PTPRG: variants seen among roughly 807,000 people sequenced by gnomAD.
PTPRG encodes receptor-type tyrosine-protein phosphatase gamma.
Under a neutral mutation model 165.3 loss-of-function variants are expected in PTPRG, and 102 were observed. That is an observed-to-expected ratio of 0.62 (90% CI 0.53 to 0.73). The LOEUF is 0.73. Ranked by LOEUF, PTPRG falls within the 30% of genes least tolerant of loss-of-function variation. The pLI, the probability that PTPRG is intolerant of heterozygous loss-of-function variation, is 0.00. For missense variants in PTPRG, 1,866 were observed against 1,861.4 expected (o/e 1.00, Z -0.05); for synonymous variants, 675 against 669.5 (o/e 1.01, Z -0.13).
intron 2 of PTPRG, among the ~76,000 whole-genome samples, chr3:61,944,962 G>C (rs546537182): frequency 2.0e-5 from 3 of 152,174 alleles, no homozygotes; most frequent in Non-Finnish European, 4.4e-5. Context: ...ACAGATTGCA[G>C]TGGCTCTGCT....
At chr3:61,674,214 A>AG (rs1703138293) in intron 1 of PTPRG, among the ~76,000 whole-genome samples, 1 of 151,984 alleles carries the variant, frequency 6.6e-6, no homozygotes, top group South Asian at 2.1e-4. Flanking sequence ...GCTTTGCATG[A>AG]GAAAAGCCTA....
chr3:62,163,920 A>C (rs1177375706), intron 7 of PTPRG, among the ~76,000 whole-genome samples: 2 of 152,258 alleles, frequency 1.3e-5, no homozygotes, highest in Non-Finnish European at 2.9e-5. Flanking sequence ...AGCAGGGGTA[A>C]GGGTTTTGAA....
chr3:61,948,579 A>G (rs1438982139), intron 2 of PTPRG, among the ~76,000 whole-genome samples: 1 of 152,180 alleles, frequency 6.6e-6, no homozygotes, highest in African/African-American at 2.4e-5. Flanking sequence ...TATAGCTACA[A>G]TAAAAGGCAG....
intron 1 of PTPRG, among the ~76,000 whole-genome samples, chr3:61,731,851 G>C (rs1037408364): frequency 6.6e-6 from 1 of 151,814 alleles, no homozygotes; most frequent in African/African-American, 2.4e-5. Context: ...ACCCAGGCTA[G>C]AGTGCAGTGG....
intron 5 of PTPRG, among the ~76,000 whole-genome samples, chr3:62,108,552 A>G (rs1056382374): frequency 1.3e-5 from 2 of 152,220 alleles, no homozygotes; most frequent in African/African-American, 4.8e-5. Context: ...TCCTTTGAGT[A>G]TATGCCCAGT....
At chr3:61,565,135 G>C (rs73093089) in intron 1 of PTPRG, among the ~76,000 whole-genome samples, 2,471 of 152,258 alleles carry the variant, frequency 0.016, 34 homozygotes, top group Non-Finnish European at 0.025. Flanking sequence ...TCAGGATATG[G>C]GTTAGCTGTA....
At chr3:62,017,726 G>GA (rs992854944) in intron 4 of PTPRG, among the ~76,000 whole-genome samples, 1 of 152,050 alleles carries the variant, frequency 6.6e-6, no homozygotes, top group African/African-American at 2.4e-5. Context: ...GCCCGGCTCA[G>GA]AAAATGATCT....
At chr3:62,074,352 C>CTTTTTTTTTTTTTTTTTTTTTTTTTTTT (rs200189646) in intron 4 of PTPRG, among the ~76,000 whole-genome samples, 2 of 109,114 alleles carry the variant, frequency 1.8e-5, no homozygotes, top group Non-Finnish European at 3.6e-5. Flanking sequence ...TCTTTTCTTT[C>CTTTTTTTTTTTTTTTTTTTTTTTTTTTT]TTTTTTTTTT....
At chr3:61,782,365 A>G (rs2034571071) in intron 2 of PTPRG, among the ~76,000 whole-genome samples, 2 of 152,240 alleles carry the variant, frequency 1.3e-5, no homozygotes, top group South Asian at 4.1e-4. Context: ...TAATTTAATA[A>G]TAGATGAAGA....
chr3:62,215,084 G>A (rs527597877), intron 12 of PTPRG, among the ~76,000 whole-genome samples: 75 of 152,282 alleles, frequency 4.9e-4, no homozygotes, highest in Admixed American at 1.0e-3. Context: ...GGCTGGAACC[G>A]TGACAGGGAA....
intron 1 of PTPRG, among the ~76,000 whole-genome samples, chr3:61,645,520 A>G (rs936026773): frequency 1.3e-5 from 2 of 152,240 alleles, no homozygotes; most frequent in African/African-American, 4.8e-5. Context: ...CAGACAGAAG[A>G]AAAGACATTT....
intron 1 of PTPRG, among the ~76,000 whole-genome samples, chr3:61,691,388 CAGAG>C (rs2030201991): frequency 6.6e-6 from 1 of 152,110 alleles, no homozygotes; most frequent in South Asian, 2.1e-4. Flanking sequence ...GCCTGGGAGA[CAGAG>C]GGAGACCCTG....
chr3:62,165,882 T>C (rs563460781), intron 7 of PTPRG, among the ~76,000 whole-genome samples: 1 of 152,332 alleles, frequency 6.6e-6, no homozygotes, highest in African/African-American at 2.4e-5. Context: ...TCTCTGAGGC[T>C]GTTTGAGAAA....
At chr3:61,718,292 T>C (rs1575607946) in intron 1 of PTPRG, among the ~76,000 whole-genome samples, 1 of 151,882 alleles carries the variant, frequency 6.6e-6, no homozygotes, top group East Asian at 1.9e-4. Flanking sequence ...TGTTAGATCA[T>C]TGACATTGCT....
At chr3:62,289,915 C>T (rs1225826216) in intron 28 of PTPRG, among the ~76,000 whole-genome samples, 1 of 151,646 alleles carries the variant, frequency 6.6e-6, no homozygotes, top group Non-Finnish European at 1.5e-5. Context: ...ATAGAAGAAG[C>T]GTAAAAGATA....
intron 1 of PTPRG, among the ~76,000 whole-genome samples, chr3:61,711,199 C>G (rs2031535389): frequency 6.6e-6 from 1 of 152,160 alleles, no homozygotes. Context: ...GGTTCCAAGT[C>G]TTTGCTATGG....
At chr3:62,015,356 T>C (rs1000258289) in intron 4 of PTPRG, among the ~76,000 whole-genome samples, 1 of 152,162 alleles carries the variant, frequency 6.6e-6, no homozygotes, top group Non-Finnish European at 1.5e-5. Flanking sequence ...GGTCAGCAGA[T>C]AGGCAGTGTG....
chr3:61,696,076 G>T (rs2030570105), intron 1 of PTPRG, among the ~76,000 whole-genome samples: 1 of 152,050 alleles, frequency 6.6e-6, no homozygotes, highest in Non-Finnish European at 1.5e-5. Context: ...AGACTTTGAG[G>T]GTGTTGTTAT....
chr3:62,000,119 A>G (rs1256913713), intron 3 of PTPRG, among the ~76,000 whole-genome samples: 1 of 152,058 alleles, frequency 6.6e-6, no homozygotes, highest in African/African-American at 2.4e-5. Context: ...CCTGGCTAAC[A>G]TGGTGAAACC....
Sources: allele counts gnomAD v4.1 joint callset (sites outside exome capture counted in the v4.1 genomes callset), GRCh38; gene constraint gnomAD v4.1.1; transcripts MANE v1.5; gene names NCBI Gene and HGNC (gene_info 2026-07-23, HGNC 2026-07-21).